The following CFDP1 variants were observed in gnomAD, a reference collection of about 807,000 sequenced individuals.
CFDP1 encodes chromatin remodeling protein CFDP1.
In CFDP1, 31 loss-of-function variants were observed where a neutral mutation model predicts 40.1. The ratio of observed to expected loss-of-function variants is 0.77; its 90% CI spans 0.58 to 1.04. The LOEUF is 1.04. Among genes scored for constraint, CFDP1 ranks in the 50% least tolerant of loss-of-function variants. The pLI is 0.00. For synonymous variants in CFDP1, 167 were observed against 120.0 expected (o/e 1.39, Z -2.56); for missense variants, 423 against 343.4 (o/e 1.23, Z -1.83).
intron 1 of CFDP1, among the ~76,000 whole-genome samples, chr16:75,426,035 C>CAAA (rs71134711): frequency 2.9e-5 from 1 of 34,478 alleles, no homozygotes; most frequent in Non-Finnish European, 4.7e-5. Context: ...CACTCTGTCT[C>CAAA]AAAAAAAAAA....
chr16:75,411,405 C>A (rs572193365), intron 4 of CFDP1, among the ~76,000 whole-genome samples: 1 of 151,986 alleles, frequency 6.6e-6, no homozygotes, highest in Non-Finnish European at 1.5e-5. Context: ...AGCAAGACTC[C>A]GTCTCAGAAA....
chr16:75,359,129 A>C (rs1038850930), intron 5 of CFDP1, among the ~76,000 whole-genome samples: 1 of 152,238 alleles, frequency 6.6e-6, no homozygotes, highest in Non-Finnish European at 1.5e-5. Context: ...TGAATGGAAA[A>C]GCAGATCTGA....
At chr16:75,423,667 A>G (rs2079304475) in intron 1 of CFDP1, among the ~76,000 whole-genome samples, 1 of 151,626 alleles carries the variant, frequency 6.6e-6, no homozygotes, top group Non-Finnish European at 1.5e-5. Flanking sequence ...GGCACCCGCC[A>G]CCTCGCCCGG....
chr16:75,342,578 A>G lies in CFDP1; in HGVS notation c.651-37396T>C, dbSNP rs115240865. On this transcript the variant is annotated intron_variant, in intron 5 of 6. Coordinates refer to ENST00000283882, the MANE Select transcript of CFDP1 (RefSeq NM_006324.3). Reference sequence around the variant, plus strand: ...GGTAGCCAAAGCCAAATGCAGAGTTAGAGTTCTGCCTGGCCCTGTACATCT... The same window carrying G: ...GGTAGCCAAAGCCAAATGCAGAGTTGGAGTTCTGCCTGGCCCTGTACATCT... Among the ~76,000 whole-genome samples the G allele has an allele frequency of 8.2e-3, 1,254 of 152,322 alleles. 20 individuals are homozygous for G. The highest frequency in any genetic ancestry group is 0.028 in the African/African-American group (1,148 of 41,570).
At chr16:75,419,128 A>C (rs771915394) in intron 1 of CFDP1, 19 of 369,556 alleles carry the variant, frequency 5.1e-5, no homozygotes, top group South Asian at 3.9e-4. Context: ...ATAATAAAAA[A>C]AGATCAAATT....
intron 4 of CFDP1, among the ~76,000 whole-genome samples, chr16:75,395,640 C>T (rs1464440802): frequency 2.0e-5 from 3 of 152,082 alleles, no homozygotes; most frequent in South Asian, 2.1e-4. Context: ...GCCTGGGCAA[C>T]AGCACGAGAC....
Position 75,375,628 on chromosome 16 carries a change from C to T in CFDP1, c.650+19462G>A, listed in dbSNP as rs1294255348. Among the ~76,000 whole-genome samples, 4 of 151,916 alleles carry T rather than the reference C, an allele frequency of 2.6e-5. No homozygotes were observed. The East Asian group carries it at 7.7e-4, about 29-fold the overall frequency. ...CTAATATGATGAAACCCCATCTCCACAAAAAATACAAAAATTAGCCAGGTG... is the reference window on the plus strand; with the variant it reads ...CTAATATGATGAAACCCCATCTCCATAAAAAATACAAAAATTAGCCAGGTG... On this transcript the variant is annotated intron_variant, in intron 5 of 6. Coordinates refer to ENST00000283882, the MANE Select transcript of CFDP1 (RefSeq NM_006324.3).
intron 5 of CFDP1, among the ~76,000 whole-genome samples, chr16:75,380,292 G>A (rs2078841951): frequency 6.6e-6 from 1 of 152,040 alleles, no homozygotes; most frequent in Non-Finnish European, 1.5e-5. Flanking sequence ...TATTTTAAGT[G>A]TATAGCTAAA....
intron 5 of CFDP1, among the ~76,000 whole-genome samples, chr16:75,368,593 GGC>G (rs2078732304): frequency 1.3e-5 from 2 of 152,146 alleles, no homozygotes; most frequent in South Asian, 2.1e-4. Context: ...ATAAAAGATT[GGC>G]AAAATATTGA....
chr16:75,377,839 T>C (rs769011607), intron 5 of CFDP1, among the ~76,000 whole-genome samples: 8 of 152,160 alleles, frequency 5.3e-5, no homozygotes, highest in East Asian at 1.9e-4. Context: ...TAGCAATAAA[T>C]AGAATTTCAT....
At chr16:75,384,509 G>A (rs947070064) in intron 5 of CFDP1, among the ~76,000 whole-genome samples, 1 of 152,078 alleles carries the variant, frequency 6.6e-6, no homozygotes, top group Admixed American at 6.5e-5. Context: ...CATAATACTG[G>A]CATGACTTCA....
chr16:75,298,667 C>A, intron 6 of CFDP1, among the ~76,000 whole-genome samples: 1 of 152,134 alleles, frequency 6.6e-6, no homozygotes, highest in East Asian at 1.9e-4. Context: ...TCGAGAAATG[C>A]AGTTGAAAGA....
intron 4 of CFDP1, among the ~76,000 whole-genome samples, chr16:75,399,717 C>T (rs540050043): frequency 6.6e-6 from 1 of 151,074 alleles, no homozygotes; most frequent in African/African-American, 2.4e-5. Flanking sequence ...TGCAGTAGCT[C>T]GGGCCTGTAA....
chr16:75,403,891 G>C (rs1206006663), intron 4 of CFDP1, among the ~76,000 whole-genome samples: 2 of 152,044 alleles, frequency 1.3e-5, no homozygotes, highest in African/African-American at 4.8e-5. Context: ...CAGCACTTTG[G>C]GAGGCCGAAG....
intron 1 of CFDP1, among the ~76,000 whole-genome samples, chr16:75,415,605 A>G (rs2079196243): frequency 1.3e-5 from 2 of 152,110 alleles, no homozygotes. Flanking sequence ...TCAACTTTCA[A>G]CAGAAGCCTG....
At chr16:75,327,702 A>G (rs2078412764) in intron 5 of CFDP1, among the ~76,000 whole-genome samples, 1 of 152,156 alleles carries the variant, frequency 6.6e-6, no homozygotes. Flanking sequence ...ACAATACTGG[A>G]TAATCAGGTC....
At chr16:75,316,497 G>A (rs1409144927) in intron 5 of CFDP1, among the ~76,000 whole-genome samples, 2 of 147,474 alleles carry the variant, frequency 1.4e-5, no homozygotes, top group African/African-American at 5.0e-5. Flanking sequence ...TTACGCCTAG[G>A]AGTTCAAGAC....
In CFDP1 at chr16:75,411,932, C is replaced by A. The variant is rs1418261029; in HGVS notation, c.423G>T (p.Glu141Asp). The change falls in exon 4 of 7, where the codon GAG (glutamate) becomes GAT (aspartate). Residue 141 changes from glutamate (E) to aspartate (D), a missense_variant. Transcript: ENST00000283882. ...TTACCAACAATTTACTTGAACTTGTCTCTTCAGTCTCCTCTCCTTTCTATA... is the reference window on the plus strand; with the variant it reads ...TTACCAACAATTTACTTGAACTTGTATCTTCAGTCTCCTCTCCTTTCTATA... ...TQVKKGEETE[E>D]TSSSKLLVKA... 3 of 1,608,076 alleles carry A rather than the reference C, an allele frequency of 1.9e-6. No individual in the cohort carries two copies. The South Asian group carries it at 3.4e-5, about 18-fold the overall frequency.
At chr16:75,323,348 G>A (rs936222032) in intron 5 of CFDP1, among the ~76,000 whole-genome samples, 1 of 151,374 alleles carries the variant, frequency 6.6e-6, no homozygotes, top group Non-Finnish European at 1.5e-5. Context: ...CAAGAGCAAC[G>A]TGTCTGGAGC....
Sources: allele counts gnomAD v4.1 joint callset (sites outside exome capture counted in the v4.1 genomes callset), GRCh38; gene constraint gnomAD v4.1.1; transcripts MANE v1.5; gene names NCBI Gene and HGNC (gene_info 2026-07-23, HGNC 2026-07-21).